DLG2: variants seen among roughly 807,000 people sequenced by gnomAD.
DLG2 encodes the protein discs large MAGUK scaffold protein 2, also known as disks large homolog 2.
In DLG2, 45 loss-of-function variants were observed where a neutral mutation model predicts 132.5. The observed-to-expected ratio is 0.34, with a 90% CI of 0.27 to 0.44. DLG2 has a LOEUF of 0.44. Ranked by LOEUF, DLG2 falls within the 20% of genes least tolerant of loss-of-function variation. The pLI, the probability that DLG2 is intolerant of heterozygous loss-of-function variation, is 1.00. For synonymous variants in DLG2, 424 were observed against 419.6 expected (o/e 1.01, Z -0.13); for missense variants, 1,045 against 1,196.9 (o/e 0.87, Z 1.87).
At chr11:83,844,343 C>T (rs930880329) in intron 16 of DLG2, among the ~76,000 whole-genome samples, 6 of 149,432 alleles carry the variant, frequency 4.0e-5, no homozygotes, top group African/African-American at 1.5e-4. Flanking sequence ...CCAGAAGTTC[C>T]AGACCAGCCT....
chr11:84,473,707 A>G (rs1463823161), intron 7 of DLG2, among the ~76,000 whole-genome samples: 3 of 152,016 alleles, frequency 2.0e-5, no homozygotes, highest in Non-Finnish European at 2.9e-5. Flanking sequence ...CTCTCTGAAA[A>G]GTAAGTGATT....
intron 15 of DLG2, among the ~76,000 whole-genome samples, chr11:83,881,494 T>C (rs2066256224): frequency 6.6e-6 from 1 of 152,228 alleles, no homozygotes; most frequent in African/African-American, 2.4e-5. Flanking sequence ...CACTATTTCA[T>C]CTAGCTTTAT....
chr11:84,145,401 T>G (rs1241733952), intron 9 of DLG2, among the ~76,000 whole-genome samples: 1 of 152,234 alleles, frequency 6.6e-6, no homozygotes, highest in Non-Finnish European at 1.5e-5. Context: ...ATCAATATGT[T>G]AATACTGAAT....
chr11:84,459,672 A>G (rs988029383), intron 7 of DLG2, among the ~76,000 whole-genome samples: 4 of 150,672 alleles, frequency 2.7e-5, no homozygotes, highest in Admixed American at 2.7e-4. Context: ...TATCCTGCAT[A>G]GCTATATTAG....
chr11:84,512,006 A>G (rs1362978065), intron 7 of DLG2, among the ~76,000 whole-genome samples: 1 of 152,168 alleles, frequency 6.6e-6, no homozygotes, highest in East Asian at 1.9e-4. Flanking sequence ...CTAGCAAACA[A>G]CAGAGCTGGG....
intron 6 of DLG2, among the ~76,000 whole-genome samples, chr11:85,000,495 T>C (rs1566615940): frequency 6.6e-6 from 1 of 152,192 alleles, no homozygotes; most frequent in Non-Finnish European, 1.5e-5. Flanking sequence ...GAATCTCTGT[T>C]TCCTCATCTA....
intron 6 of DLG2, among the ~76,000 whole-genome samples, chr11:85,099,836 A>C (rs1443611370): frequency 6.6e-6 from 1 of 152,208 alleles, no homozygotes; most frequent in African/African-American, 2.4e-5. Context: ...AGGAGAGTTC[A>C]CAAGACATTC....
At chr11:84,279,059 T>G (rs1486668810) in intron 7 of DLG2, among the ~76,000 whole-genome samples, 1 of 152,028 alleles carries the variant, frequency 6.6e-6, no homozygotes, top group Non-Finnish European at 1.5e-5. Context: ...ATTTTTGCAA[T>G]CTATCCATCT....
chr11:84,447,565 T>C (rs1236029865), intron 7 of DLG2, among the ~76,000 whole-genome samples: 1 of 152,162 alleles, frequency 6.6e-6, no homozygotes, highest in East Asian at 1.9e-4. Context: ...ATTTCATAAA[T>C]TTAAAGTCTT....
intron 8 of DLG2, among the ~76,000 whole-genome samples, chr11:84,234,784 C>A (rs750523272): frequency 8.5e-5 from 13 of 152,186 alleles, no homozygotes; most frequent in Admixed American, 7.2e-4. Flanking sequence ...AGAGAGCAGG[C>A]CCTGAAAGAA....
chr11:83,480,467 G>A (rs937819338), intron 22 of DLG2: 185 of 1,509,222 alleles, frequency 1.2e-4, no homozygotes, highest in Non-Finnish European at 1.6e-4. Context: ...AGAGCAGCCA[G>A]AACGGAAAGG....
intron 2 of DLG2, among the ~76,000 whole-genome samples, chr11:85,606,178 T>C (rs1350243599): frequency 6.6e-6 from 1 of 152,194 alleles, no homozygotes; most frequent in African/African-American, 2.4e-5. Flanking sequence ...TATGTATCCA[T>C]TAAAACAAGC....
At chr11:84,452,141 G>C (rs961830855) in intron 7 of DLG2, among the ~76,000 whole-genome samples, 6 of 151,420 alleles carry the variant, frequency 4.0e-5, no homozygotes, top group African/African-American at 1.5e-4. Flanking sequence ...GAAGGAGGAG[G>C]AGGAGATGAG....
At chr11:84,489,313 T>C (rs1302647535) in intron 7 of DLG2, among the ~76,000 whole-genome samples, 2 of 152,166 alleles carry the variant, frequency 1.3e-5, no homozygotes, top group Non-Finnish European at 2.9e-5. Context: ...CATTTTAGTA[T>C]AGGCAACTTT....
intron 18 of DLG2, among the ~76,000 whole-genome samples, chr11:83,637,276 C>T (rs1399258821): frequency 6.6e-6 from 1 of 152,150 alleles, no homozygotes; most frequent in Non-Finnish European, 1.5e-5. Flanking sequence ...CCCTTTGGAA[C>T]ATTTTTCAGT....
intron 11 of DLG2, among the ~76,000 whole-genome samples, chr11:84,038,301 GA>G (rs561529268): frequency 2.7e-5 from 4 of 148,054 alleles, no homozygotes; most frequent in East Asian, 4.0e-4. Flanking sequence ...AAATTTACAA[GA>G]AAAAAAAACA....
intron 6 of DLG2, among the ~76,000 whole-genome samples, chr11:84,697,286 T>C (rs998614496): frequency 6.6e-6 from 1 of 151,456 alleles, no homozygotes; most frequent in African/African-American, 2.4e-5. Flanking sequence ...ACAAAGAATC[T>C]AATATGACAA....
chr11:84,209,743 A>T (rs572741245), intron 8 of DLG2, among the ~76,000 whole-genome samples: 39 of 152,326 alleles, frequency 2.6e-4, no homozygotes, highest in Admixed American at 2.5e-3. Flanking sequence ...TAGTGGAAAC[A>T]CATGCCAAAA....
At chr11:84,419,285 T>C (rs974508054) in intron 7 of DLG2, among the ~76,000 whole-genome samples, 2 of 152,222 alleles carry the variant, frequency 1.3e-5, no homozygotes, top group African/African-American at 4.8e-5. Context: ...TAAAGTTCTA[T>C]ACATGTTTTC....
Sources: gnomAD v4.1 joint callset for allele counts (sites outside exome capture counted in the v4.1 genomes callset) on GRCh38, gnomAD v4.1.1 for gene constraint, MANE v1.5 for transcripts, NCBI Gene and HGNC (gene_info 2026-07-23, HGNC 2026-07-21) for gene names.